The following ZNF804B variants were observed in gnomAD, a reference collection of about 807,000 sequenced individuals.
ZNF804B encodes zinc finger protein 804B.
Under a neutral mutation model 101.4 loss-of-function variants are expected in ZNF804B, and 80 were observed. The observed-to-expected ratio is 0.79, with a 90% CI of 0.66 to 0.95. The LOEUF (loss-of-function observed/expected upper bound fraction) is 0.95, where lower values mean the gene tolerates loss of function less well. ZNF804B is among the 40% of genes least tolerant of loss of function. The pLI is 0.00. For missense variants in ZNF804B, 1,673 were observed against 1,561.9 expected (o/e 1.07, Z -1.20); for synonymous variants, 622 against 558.8 (o/e 1.11, Z -1.59).
At chr7:89,090,189 A>G (rs1789862459) in intron 1 of ZNF804B, among the ~76,000 whole-genome samples, 2 of 152,052 alleles carry the variant, frequency 1.3e-5, no homozygotes, top group African/African-American at 4.8e-5. Flanking sequence ...CATCCTCAAT[A>G]TTTAAATACA....
intron 1 of ZNF804B, among the ~76,000 whole-genome samples, chr7:88,812,878 A>G (rs1445101212): frequency 6.6e-6 from 1 of 151,966 alleles, no homozygotes; most frequent in Non-Finnish European, 1.5e-5. Flanking sequence ...AGAAAGTAGA[A>G]TGGTGGTTAC....
At chr7:88,780,281 A>G (rs536805052) in intron 1 of ZNF804B, among the ~76,000 whole-genome samples, 71 of 152,298 alleles carry the variant, frequency 4.7e-4, no homozygotes, top group African/African-American at 1.6e-3. Context: ...TCAAAAAACT[A>G]AAAATTAGAG....
At chr7:89,009,135 C>T (rs1405222066) in intron 1 of ZNF804B, among the ~76,000 whole-genome samples, 1 of 152,130 alleles carries the variant, frequency 6.6e-6, no homozygotes, top group Non-Finnish European at 1.5e-5. Context: ...ATCCTTTGGT[C>T]TCAGAATTCT....
chr7:89,001,283 G>A (rs989351429), intron 1 of ZNF804B, among the ~76,000 whole-genome samples: 5 of 151,034 alleles, frequency 3.3e-5, no homozygotes, highest in Non-Finnish European at 7.4e-5. Flanking sequence ...AAAAATAACT[G>A]TGAAGTAACA....
chr7:89,083,671 T>C (rs1012215509), intron 1 of ZNF804B, among the ~76,000 whole-genome samples: 4 of 151,836 alleles, frequency 2.6e-5, no homozygotes, highest in Admixed American at 1.3e-4. Context: ...AAAAACAAAA[T>C]TTCATATAAC....
chr7:89,218,463 G>T (rs561854811), intron 2 of ZNF804B, among the ~76,000 whole-genome samples, 168 bp downstream of exon 2: 1 of 152,168 alleles, frequency 6.6e-6, no homozygotes, highest in African/African-American at 2.4e-5. Flanking sequence ...GTTATCCAAA[G>T]TCATTTTTTC....
At chr7:88,792,577 G>A (rs1456456229) in intron 1 of ZNF804B, among the ~76,000 whole-genome samples, 2 of 151,810 alleles carry the variant, frequency 1.3e-5, no homozygotes, top group African/African-American at 4.8e-5. Flanking sequence ...TTTTTTGCTG[G>A]GAAAATATTT....
At chr7:88,897,848 G>A (rs191567559) in intron 1 of ZNF804B, among the ~76,000 whole-genome samples, 2 of 151,234 alleles carry the variant, frequency 1.3e-5, no homozygotes, top group African/African-American at 4.9e-5. Flanking sequence ...TTAGTTAACA[G>A]CTTGGGGGAA....
At chr7:89,210,955 A>G (rs35657238) in intron 1 of ZNF804B, among the ~76,000 whole-genome samples, 18,589 of 152,222 alleles carry the variant, frequency 0.12, 1,223 homozygotes, top group Middle Eastern at 0.25. Flanking sequence ...TTACATTCCC[A>G]CCAACAGTGT....
chr7:88,856,424 T>C (rs1243800305), intron 1 of ZNF804B, among the ~76,000 whole-genome samples: 1 of 152,190 alleles, frequency 6.6e-6, no homozygotes, highest in Non-Finnish European at 1.5e-5. Flanking sequence ...TGTTGGTGTA[T>C]AAGAATGCTT....
intron 1 of ZNF804B, among the ~76,000 whole-genome samples, chr7:88,864,249 A>C (rs1249757026): frequency 6.6e-6 from 1 of 152,366 alleles, no homozygotes; most frequent in East Asian, 1.9e-4. Context: ...CTAGTGTAAT[A>C]AGCTCTTAAG....
In ZNF804B at chr7:89,336,169, A is replaced by G; in HGVS notation, c.3187A>G (p.Ile1063Val). Residue 1063 changes from isoleucine (I) to valine (V), a missense_variant, in exon 4 of 4, where the codon ATT becomes GTT. Ile to Val is a conservative substitution (Grantham distance 29). Transcript: ENST00000333190. ...KPLISEIQPF[I>V]QSCDPVPNEF... is the part of the protein sequence containing the mutation. ...TTTAATTAGTGAAATCCAACCTTTT[A>G]TTCAAAGCTGTGACCCAGTACCAAA... The G allele has an allele frequency of 1.9e-6, 3 of 1,613,940 alleles. No homozygotes were observed. The highest frequency in any genetic ancestry group is 2.5e-6 in the Non-Finnish European group (3 of 1,179,988).
intron 1 of ZNF804B, among the ~76,000 whole-genome samples, chr7:88,860,204 T>C (rs1159090578): frequency 6.6e-6 from 1 of 152,022 alleles, no homozygotes; most frequent in African/African-American, 2.4e-5. Context: ...CAATATAAAA[T>C]ATTGTAGAGG....
chr7:88,803,262 A>G (rs1415305929), intron 1 of ZNF804B, among the ~76,000 whole-genome samples: 1 of 152,138 alleles, frequency 6.6e-6, no homozygotes, highest in East Asian at 1.9e-4. Flanking sequence ...AGAGCCTGCT[A>G]TTGAGTAGAA....
At chr7:88,804,501 G>GT (rs898095124) in intron 1 of ZNF804B, among the ~76,000 whole-genome samples, 10 of 151,512 alleles carry the variant, frequency 6.6e-5, no homozygotes, top group African/African-American at 1.5e-4. Flanking sequence ...CTTTTAATCA[G>GT]TTTTTTTTCA....
At chr7:89,239,713 A>G (rs1055385717) in intron 2 of ZNF804B, among the ~76,000 whole-genome samples, 2 of 152,050 alleles carry the variant, frequency 1.3e-5, no homozygotes, top group Non-Finnish European at 2.9e-5. Flanking sequence ...ATATCTACAG[A>G]TACATTGAGT....
rs1052049881 is a variant in ZNF804B, at chr7:89,084,866, A to G, written c.109-133289A>G. On this transcript the variant is annotated intron_variant, in intron 1 of 3. Transcript: ENST00000333190. ...ATTCGGACTGGATTTTTACTTCTTCAATAAAATGTTATTTATTACTGGTTT... is the reference window on the plus strand; with the variant it reads ...ATTCGGACTGGATTTTTACTTCTTCGATAAAATGTTATTTATTACTGGTTT... Among the ~76,000 whole-genome samples the G allele has an allele frequency of 2.6e-5, 4 of 151,974 alleles. No individual in the cohort carries two copies. The East Asian group carries it at 7.7e-4, about 29-fold the overall frequency.
chr7:89,302,380 T>G (rs966266729), intron 2 of ZNF804B, among the ~76,000 whole-genome samples: 4 of 151,862 alleles, frequency 2.6e-5, no homozygotes, highest in African/African-American at 9.7e-5. Flanking sequence ...GTTAGTTGTT[T>G]CAGGTACATT....
chr7:88,940,773 A>ATAATAATAG, intron 1 of ZNF804B, among the ~76,000 whole-genome samples: 1 of 130,948 alleles, frequency 7.6e-6, no homozygotes, highest in African/African-American at 3.6e-5. Flanking sequence ...ATTTAAAATA[A>ATAATAATAG]TAATAATAAT....
Sources: allele counts gnomAD v4.1 joint callset (sites outside exome capture counted in the v4.1 genomes callset), GRCh38; gene constraint gnomAD v4.1.1; transcripts MANE v1.5; gene names NCBI Gene and HGNC (gene_info 2026-07-23, HGNC 2026-07-21).